ADD3: variants seen among roughly 807,000 people sequenced by gnomAD.
ADD3 encodes gamma-adducin.
ADD3 carries 25 observed loss-of-function variants against 80.2 expected under a neutral mutation model. That is an observed-to-expected ratio of 0.31 (90% CI 0.23 to 0.44). The LOEUF is 0.44. Among genes scored for constraint, ADD3 ranks in the 20% least tolerant of loss-of-function variants. The pLI is 1.00. For synonymous variants in ADD3, 284 were observed against 289.6 expected (o/e 0.98, Z 0.20); for missense variants, 829 against 847.5 (o/e 0.98, Z 0.27).
chr10:110,116,274 C>T lies in ADD3; in HGVS notation c.350C>T (p.Thr117Ile). 1.2e-6 allele frequency: 2 copies of T among 1,614,066 alleles called. No homozygotes were observed. The highest frequency in any genetic ancestry group is 2.2e-5 in the East Asian group (1 of 44,880). The change falls in exon 4 of 15, where the codon ACA becomes ATA. Residue 117 changes from threonine (T) to isoleucine (I), a missense_variant. Physicochemically the swap from Thr to Ile is moderately conservative, Grantham distance 89. Transcript: ENST00000356080. ...GCTCTTTTAGGTCTTGGCATGGTCA[C>T]ACCTATCAATGACCTTCCTGGTGCA... is the stretch of plus-strand genomic sequence containing the variant. ...SSPPLSLGMV[T>I]PINDLPGADT...
At chr10:110,117,970 C>G (rs1486597109) in intron 5 of ADD3, among the ~76,000 whole-genome samples, 1 of 150,046 alleles carries the variant, frequency 6.7e-6, no homozygotes, top group South Asian at 2.1e-4. Context: ...GAGCCAAGAT[C>G]GCACCATTGC....
At position 110,128,384 on chromosome 10, in the gene ADD3, T is replaced by C. The variant is rs144672557; in HGVS notation, c.1608+1881T>C. On this transcript the variant is annotated intron_variant, in intron 12 of 14. Coordinates refer to ENST00000356080, the MANE Select transcript of ADD3 (RefSeq NM_016824.5). ...AATGTTTTCTAACCCTTTTAATTTT[T>C]TATTTTGATGTTAACTTTTTTAATT... is the stretch of plus-strand genomic sequence containing the variant. 2.3e-3 allele frequency among the ~76,000 whole-genome samples: 344 copies of C among 151,812 alleles called. 2 individuals are homozygous for C. The highest frequency in any genetic ancestry group is 4.2e-3 in the Non-Finnish European group (286 of 67,886).
chr10:110,034,301 T>C (rs79924194), intron 1 of ADD3, among the ~76,000 whole-genome samples: 1 of 152,088 alleles, frequency 6.6e-6, no homozygotes, highest in Admixed American at 6.6e-5. Flanking sequence ...TGTTAATTTC[T>C]ATGGGGTATG....
upstream of ADD3, among the ~76,000 whole-genome samples, chr10:110,003,844 T>C (rs1016588221): frequency 5.9e-5 from 9 of 152,204 alleles, no homozygotes; most frequent in African/African-American, 2.2e-4. Context: ...AGATCATGAC[T>C]GTGTTAGGAA....
At position 110,119,226 on chromosome 10, in the gene ADD3, T is replaced by C. The variant is rs768795762; in HGVS notation, c.733T>C (p.Cys245Arg). ...AACCAAATAGGTATCCTCCATGAAA[T>C]GTGGGATCCTTCCAATTTCTCAAGA... ...LATAAVSSMK[C>R]GILPISQESL... is the part of the protein sequence containing the mutation. Residue 245 changes from cysteine to arginine, a missense_variant, in exon 7 of 15, where the codon TGT becomes CGT. By Grantham distance (180) the Cys-to-Arg change is radical. Coordinates refer to ENST00000356080, the MANE Select transcript of ADD3 (RefSeq NM_016824.5). The C allele has an allele frequency of 3.7e-6, 6 of 1,614,104 alleles. No homozygotes were observed. The Admixed American group carries it at 1.0e-4, about 27-fold the overall frequency.
At position 110,119,459 on chromosome 10, in the gene ADD3, A is replaced by AT. The variant is rs1851186341; in HGVS notation, c.862-3dup. Reference sequence around the variant, plus strand: ...TTCAAGTGATTGCTGTGGGCATTCTATTTTAGGTGCTGGTACTCAGGAATC... The same window carrying AT: ...TTCAAGTGATTGCTGTGGGCATTCTATTTTTAGGTGCTGGTACTCAGGAATC... On this transcript the variant is annotated splice_region_variant and splice_polypyrimidine_tract_variant and intron_variant, in intron 7 of 14. Transcript: ENST00000356080. 1.2e-6 allele frequency: 2 copies of AT among 1,613,802 alleles called. No individual in the cohort carries two copies. The highest frequency in any genetic ancestry group is 2.2e-5 in the East Asian group (1 of 44,884).
In ADD3 at chr10:110,134,353, T is replaced by G. The variant is rs1439639314; in HGVS notation, c.*735T>G. ...GGCAAAAAAAAAAAAAAAAATTTTG[T>G]ATGTTGATGTTTGTATACCGTTCAG... is the stretch of plus-strand genomic sequence containing the variant. On this transcript the variant is annotated 3_prime_UTR_variant, in exon 15 of 15. Coordinates refer to ENST00000356080, the MANE Select transcript of ADD3 (RefSeq NM_016824.5). 1.3e-5 allele frequency: 2 copies of G among 151,998 alleles called. No homozygotes were observed. Among genetic ancestry groups the G allele is most frequent in the Non-Finnish European group, 2.9e-5 (2 of 67,952 alleles). 9.4% of individuals were successfully genotyped at this position (151,998 alleles called of 1,614,324 possible). A position where few individuals can be genotyped will look rare whatever the true frequency, so the allele number is the denominator to read the frequency against.
At chr10:110,067,462 A>G (rs1273428920) in intron 1 of ADD3, among the ~76,000 whole-genome samples, 1 of 152,220 alleles carries the variant, frequency 6.6e-6, no homozygotes, top group Non-Finnish European at 1.5e-5. Context: ...ATCATTTATT[A>G]TATTGGACCA....
chr10:110,037,727 G>A (rs551372345), intron 1 of ADD3, among the ~76,000 whole-genome samples: 2 of 151,732 alleles, frequency 1.3e-5, no homozygotes, highest in South Asian at 4.2e-4. Context: ...CTATTTTTAT[G>A]TATGTTTGTT....
intron 1 of ADD3, among the ~76,000 whole-genome samples, chr10:110,093,910 G>A (rs559672430): frequency 1.3e-5 from 2 of 152,110 alleles, no homozygotes; most frequent in East Asian, 1.9e-4. Flanking sequence ...TACTATATTC[G>A]CCTATTTTTG....
chr10:110,123,978 C>T (rs193143272), intron 9 of ADD3, 39 bp from the exon 10 acceptor site: 97 of 1,586,074 alleles, frequency 6.1e-5, no homozygotes, highest in Admixed American at 2.4e-4. Flanking sequence ...GTTATTGATA[C>T]AGGTTTGATG....
intron 1 of ADD3, among the ~76,000 whole-genome samples, chr10:110,042,227 CA>C (rs1454475959): frequency 6.6e-6 from 1 of 152,138 alleles, no homozygotes; most frequent in Non-Finnish European, 1.5e-5. Context: ...AAACTAGTGC[CA>C]CTTTAAGAAA....
chr10:110,120,759 G>A (rs912622562), intron 8 of ADD3, among the ~76,000 whole-genome samples: 48 of 152,226 alleles, frequency 3.2e-4, no homozygotes, highest in East Asian at 5.8e-4. Flanking sequence ...ATACTACAAG[G>A]CTACAGTAAC....
chr10:110,068,549 G>A (rs539542761), intron 1 of ADD3, among the ~76,000 whole-genome samples: 34 of 152,228 alleles, frequency 2.2e-4, no homozygotes, highest in African/African-American at 7.7e-4. Flanking sequence ...GGATTTTGGT[G>A]GCCATGGGAG....
chr10:110,032,276 C>T (rs1024436102), intron 1 of ADD3, among the ~76,000 whole-genome samples: 1 of 152,110 alleles, frequency 6.6e-6, no homozygotes, highest in African/African-American at 2.4e-5. Context: ...AATGAGAGCT[C>T]GGAGAAATAG....
At chr10:110,107,559 C>G (rs892833451) in intron 2 of ADD3, among the ~76,000 whole-genome samples, 2 of 152,102 alleles carry the variant, frequency 1.3e-5, no homozygotes, top group African/African-American at 4.8e-5. Context: ...GGAGTCAGTA[C>G]ATTTTCTCAT....
chr10:110,015,748 CT>C (rs2133023755), intron 1 of ADD3, among the ~76,000 whole-genome samples: 1 of 152,162 alleles, frequency 6.6e-6, no homozygotes, highest in African/African-American at 2.4e-5. Flanking sequence ...TACATTTTTA[CT>C]TCATCTGTCA....
intron 1 of ADD3, among the ~76,000 whole-genome samples, chr10:110,040,933 T>TCC (rs2070870430): frequency 7.9e-6 from 1 of 125,948 alleles, no homozygotes; most frequent in Non-Finnish European, 1.7e-5. Flanking sequence ...TCTCTCGCTC[T>TCC]CTCTCTCTCT....
At chr10:110,122,034 G>C in intron 8 of ADD3, 76 bp from the exon 9 acceptor site, 2 of 1,302,760 alleles carry the variant, frequency 1.5e-6, no homozygotes, top group South Asian at 1.6e-5. Flanking sequence ...AATTGAAATT[G>C]TGCCTTTTTG....
Sources: gnomAD v4.1 joint callset for allele counts (sites outside exome capture counted in the v4.1 genomes callset) on GRCh38, gnomAD v4.1.1 for gene constraint, MANE v1.5 for transcripts, NCBI Gene and HGNC (gene_info 2026-07-23, HGNC 2026-07-21) for gene names.